The following ERGIC2 variants were observed in gnomAD, a reference collection of about 807,000 sequenced individuals.
ERGIC2 encodes the protein ERGIC and golgi 2.
Under a neutral mutation model 52.5 loss-of-function variants are expected in ERGIC2, and 31 were observed. That is an observed-to-expected ratio of 0.59 (90% confidence interval 0.44 to 0.80). The LOEUF is 0.80. Among genes scored for constraint, ERGIC2 ranks in the 30% least tolerant of loss-of-function variants. ERGIC2 has a pLI of 0.00. For missense variants in ERGIC2, 395 were observed against 455.2 expected, an observed-to-expected ratio of 0.87 and a Z score of 1.20; for synonymous variants, 129 against 140.6, an observed-to-expected ratio of 0.92 and a Z score of 0.58.
intron 1 of ERGIC2, among the ~76,000 whole-genome samples, chr12:29,380,057 TA>T (rs60844553): frequency 0.055 from 8,130 of 148,962 alleles, 243 homozygotes; most frequent in African/African-American, 0.086. Flanking sequence ...CACCATCATT[TA>T]AAAAAAAAAA....
At chr12:29,357,784 T>C (rs1038129366) in intron 6 of ERGIC2, 60 bp from the exon 7 acceptor site, 16 of 913,560 alleles carry the variant, frequency 1.8e-5, no homozygotes, top group East Asian at 7.3e-5. Flanking sequence ...CTGACACTTA[T>C]TCAAAAATGA....
At chr12:29,373,280 T>C (rs1481379667) in intron 1 of ERGIC2, among the ~76,000 whole-genome samples, 1 of 152,180 alleles carries the variant, frequency 6.6e-6, no homozygotes, top group Non-Finnish European at 1.5e-5. Flanking sequence ...ATAACTGAAT[T>C]CTTAGATATT....
At chr12:29,344,275 G>A (rs1308500503) in intron 11 of ERGIC2, among the ~76,000 whole-genome samples, 3 of 152,044 alleles carry the variant, frequency 2.0e-5, no homozygotes, top group Admixed American at 6.6e-5. Flanking sequence ...TAGCTTTCTC[G>A]AAGTGCAATT....
intron 10 of ERGIC2, among the ~76,000 whole-genome samples, chr12:29,347,600 G>C (rs1488871809): frequency 4.6e-5 from 7 of 152,070 alleles, no homozygotes; most frequent in Non-Finnish European, 7.4e-5. Flanking sequence ...GAAGGGCAGG[G>C]ACTATGTCTA....
chr12:29,370,064 T>C (rs747520617), intron 3 of ERGIC2, 50 bp downstream of exon 3: 1 of 1,432,962 alleles, frequency 7.0e-7, no homozygotes, highest in Non-Finnish European at 9.1e-7. Flanking sequence ...TATGCTCTTT[T>C]TAAAACAATT....
rs141876307 is a variant in ERGIC2, at chr12:29,374,869, T to C, written c.-37-3199A>G. ...CAATTCTCTCTCTATACTGTAATAA[T>C]AAATTATCTTTTTAATACATAAATC... On this transcript the variant is annotated intron_variant, in intron 1 of 13. Transcript: ENST00000360150. Among the ~76,000 whole-genome samples the C allele has an allele frequency of 4.4e-3, 673 of 152,266 alleles. 6 individuals carry two copies. Among genetic ancestry groups the C allele is most frequent in the Non-Finnish European group, 7.3e-3 (494 of 68,004 alleles).
chr12:29,378,341 ACT>A (rs1452546661), intron 1 of ERGIC2, among the ~76,000 whole-genome samples: 3 of 152,130 alleles, frequency 2.0e-5, no homozygotes, highest in African/African-American at 7.2e-5. Flanking sequence ...TTGATTTCAG[ACT>A]TCTAGCCTCC....
intron 1 of ERGIC2, among the ~76,000 whole-genome samples, chr12:29,378,151 GGT>G (rs952506868): frequency 2.6e-5 from 4 of 152,144 alleles, no homozygotes; most frequent in Non-Finnish European, 4.4e-5. Context: ...ATCTGAGACT[GGT>G]GTCCTTTTAA....
At chr12:29,360,299 T>C (rs183685394) in intron 6 of ERGIC2, among the ~76,000 whole-genome samples, 153 of 151,852 alleles carry the variant, frequency 1.0e-3, no homozygotes, top group African/African-American at 3.5e-3. Flanking sequence ...GTTTTTAATA[T>C]TAGAATTCTA....
At chr12:29,365,761 C>T (rs996877039) in intron 5 of ERGIC2, among the ~76,000 whole-genome samples, 2 of 150,822 alleles carry the variant, frequency 1.3e-5, no homozygotes, top group African/African-American at 4.9e-5. Flanking sequence ...TAATAATAAT[C>T]ACTTAGATCA....
intron 4 of ERGIC2, among the ~76,000 whole-genome samples, chr12:29,367,416 C>T (rs1444224875): frequency 6.6e-6 from 1 of 151,596 alleles, no homozygotes; most frequent in Non-Finnish European, 1.5e-5. Context: ...TAAAATTTAA[C>T]AGTATTTAAA....
chr12:29,368,836 T>C (rs1302116127), intron 3 of ERGIC2, among the ~76,000 whole-genome samples: 2 of 151,916 alleles, frequency 1.3e-5, no homozygotes, highest in African/African-American at 4.8e-5. Flanking sequence ...ACCATTAAAG[T>C]GGCATACTGG....
In ERGIC2 at chr12:29,342,931, T is replaced by G. The variant is rs182725955; in HGVS notation, c.988+189A>C. On this transcript the variant is annotated intron_variant, in intron 12 of 13. Transcript: ENST00000360150. ...TCACCATTATATAATCTACCTTACATCATTGAATACAATGAAATTAGTTAT... is the reference window on the plus strand; with the variant it reads ...TCACCATTATATAATCTACCTTACAGCATTGAATACAATGAAATTAGTTAT... Among the ~76,000 whole-genome samples, 25 of 152,350 alleles carry G rather than the reference T, an allele frequency of 1.6e-4. 1 individual carries two copies. The East Asian group carries it at 4.4e-3, about 27-fold the overall frequency.
chr12:29,367,926 G>A (rs531697469), intron 4 of ERGIC2, among the ~76,000 whole-genome samples: 1 of 151,638 alleles, frequency 6.6e-6, no homozygotes, highest in Admixed American at 6.6e-5. Flanking sequence ...GTGAAACATG[G>A]GTATAAAAGC....
intron 5 of ERGIC2, among the ~76,000 whole-genome samples, chr12:29,366,229 T>A (rs566885306): frequency 6.6e-6 from 1 of 152,096 alleles, no homozygotes; most frequent in South Asian, 2.1e-4. Flanking sequence ...TCTCGAAAGC[T>A]TATTTAGGGC....
At chr12:29,344,914 C>T (rs1940025291) in intron 11 of ERGIC2, among the ~76,000 whole-genome samples, 1 of 152,062 alleles carries the variant, frequency 6.6e-6, no homozygotes, top group Admixed American at 6.6e-5. Flanking sequence ...TCAGTATTTA[C>T]TTATATGGCC....
intron 8 of ERGIC2, among the ~76,000 whole-genome samples, chr12:29,353,729 C>CTTCT (rs573583118): frequency 0.15 from 22,116 of 146,960 alleles, 1,680 homozygotes; most frequent in Middle Eastern, 0.26. Context: ...ATATTTCCTT[C>CTTCT]TTTTTTTTTT....
chr12:29,341,495 C>T (rs1949839923), intron 13 of ERGIC2, among the ~76,000 whole-genome samples: 1 of 152,060 alleles, frequency 6.6e-6, no homozygotes, highest in East Asian at 1.9e-4. Flanking sequence ...TGTGCCCTCC[C>T]AAGTAGCTGG....
At chr12:29,351,622 C>T (rs547474287) in intron 8 of ERGIC2, among the ~76,000 whole-genome samples, 64 of 152,198 alleles carry the variant, frequency 4.2e-4, no homozygotes, top group African/African-American at 8.7e-4. Context: ...CCTCATCTAC[C>T]AGAACACTCT....
Sources: gnomAD v4.1 joint callset for allele counts (sites outside exome capture counted in the v4.1 genomes callset) on GRCh38, gnomAD v4.1.1 for gene constraint, MANE v1.5 for transcripts, NCBI Gene and HGNC (gene_info 2026-07-23, HGNC 2026-07-21) for gene names.